RCSD1: variants seen among roughly 807,000 people sequenced by gnomAD.
RCSD1 encodes RCSD domain containing 1.
A neutral mutation model predicts 42.5 loss-of-function variants in RCSD1; 26 were observed. The observed-to-expected ratio is 0.61, with a 90% CI of 0.45 to 0.85. The LOEUF (loss-of-function observed/expected upper bound fraction) is 0.85, where lower values mean the gene tolerates loss of function less well. RCSD1 is among the 40% of genes least tolerant of loss of function. RCSD1 has a pLI of 0.00. For synonymous variants in RCSD1, 220 were observed against 212.2 expected (o/e 1.04, Z -0.32); for missense variants, 571 against 528.3 (o/e 1.08, Z -0.79).
intron 1 of RCSD1, among the ~76,000 whole-genome samples, chr1:167,653,985 A>G (rs549274846): frequency 6.6e-6 from 1 of 152,348 alleles, no homozygotes; most frequent in African/African-American, 2.4e-5. Context: ...GCTCTGCTGC[A>G]GCTTTGTCAC....
intron 1 of RCSD1, among the ~76,000 whole-genome samples, chr1:167,639,161 G>A (rs1315590810): frequency 6.6e-6 from 1 of 152,164 alleles, no homozygotes; most frequent in African/African-American, 2.4e-5. Flanking sequence ...AGGTTGCAGT[G>A]AGCAGAGATC....
At chr1:167,685,084 T>A (rs1458107765) in intron 2 of RCSD1, among the ~76,000 whole-genome samples, 1 of 152,204 alleles carries the variant, frequency 6.6e-6, no homozygotes, top group Non-Finnish European at 1.5e-5. Flanking sequence ...ATAGCATTGA[T>A]CTCAGGTGCT....
intron 1 of RCSD1, among the ~76,000 whole-genome samples, chr1:167,644,613 A>T (rs1571672943): frequency 3.3e-5 from 5 of 152,292 alleles, no homozygotes; most frequent in Middle Eastern, 3.4e-3. Context: ...CAATGAAACG[A>T]GGAGGTAGGA....
chr1:167,636,548 A>T (rs78095119), intron 1 of RCSD1, among the ~76,000 whole-genome samples: 3 of 151,794 alleles, frequency 2.0e-5, no homozygotes, highest in Non-Finnish European at 4.4e-5. Flanking sequence ...ATCATTAATG[A>T]TTCACGGCAT....
At chr1:167,700,885 C>G (rs963707669) in intron 6 of RCSD1, among the ~76,000 whole-genome samples, 5 of 152,138 alleles carry the variant, frequency 3.3e-5, no homozygotes, top group Non-Finnish European at 1.5e-5. Flanking sequence ...CAAGAGACCT[C>G]CCCATCTCAC....
chr1:167,689,492 A>AAAG (rs1553251389), intron 3 of RCSD1, among the ~76,000 whole-genome samples: 48 of 148,564 alleles, frequency 3.2e-4, no homozygotes, highest in African/African-American at 9.6e-4. Context: ...AAAAAAAAAA[A>AAAG]AAAAAGAAAA....
At chr1:167,645,912 CGGGATGGAA>C (rs1275840885) in intron 1 of RCSD1, among the ~76,000 whole-genome samples, 2 of 151,688 alleles carry the variant, frequency 1.3e-5, no homozygotes, top group Non-Finnish European at 2.9e-5. Flanking sequence ...GTGGGGCTCA[CGGGATGGAA>C]GGGATGGAAG....
At chr1:167,636,472 A>G (rs1004536102) in intron 1 of RCSD1, among the ~76,000 whole-genome samples, 1 of 152,222 alleles carries the variant, frequency 6.6e-6, no homozygotes, top group Non-Finnish European at 1.5e-5. Flanking sequence ...GTACCATGTC[A>G]GGGCCAACCT....
At chr1:167,686,748 T>C (rs1325398367) in intron 3 of RCSD1, among the ~76,000 whole-genome samples, 1 of 152,214 alleles carries the variant, frequency 6.6e-6, no homozygotes, top group Non-Finnish European at 1.5e-5. Flanking sequence ...AACCTCTCTT[T>C]CCAGAGAATC....
chr1:167,682,150 C>T (rs1228350741), intron 1 of RCSD1, among the ~76,000 whole-genome samples: 1 of 151,782 alleles, frequency 6.6e-6, no homozygotes, highest in Non-Finnish European at 1.5e-5. Context: ...CCCAGCAGTT[C>T]CTTCAAATCC....
chr1:167,673,935 G>A (rs1658873909), intron 1 of RCSD1, among the ~76,000 whole-genome samples: 1 of 152,140 alleles, frequency 6.6e-6, no homozygotes, highest in African/African-American at 2.4e-5. Flanking sequence ...ACCTAAGCAG[G>A]TTAACTACCC....
chr1:167,651,956 C>T (rs59497748), intron 1 of RCSD1, among the ~76,000 whole-genome samples: 1,970 of 151,788 alleles, frequency 0.013, 47 homozygotes, highest in African/African-American at 0.046. Context: ...AGGGCAGAAG[C>T]CCTATTTCCA....
intron 1 of RCSD1, among the ~76,000 whole-genome samples, chr1:167,679,554 C>G (rs79585569): frequency 1.5e-3 from 228 of 152,348 alleles, no homozygotes; most frequent in African/African-American, 5.4e-3. Flanking sequence ...GGGTGATCCC[C>G]TTCAGTTCTG....
At chr1:167,646,784 C>T (rs1429347959) in intron 1 of RCSD1, among the ~76,000 whole-genome samples, 1 of 152,140 alleles carries the variant, frequency 6.6e-6, no homozygotes, top group Non-Finnish European at 1.5e-5. Flanking sequence ...AAATAGGATC[C>T]TCGGAACTTC....
chr1:167,641,209 T>C (rs748080632), intron 1 of RCSD1, among the ~76,000 whole-genome samples: 2 of 152,098 alleles, frequency 1.3e-5, no homozygotes, highest in Non-Finnish European at 2.9e-5. Flanking sequence ...GCCATGAGGA[T>C]CACCCCCAAC....
rs115549770 is a variant in RCSD1, at chr1:167,703,547, C to T, written c.1219-1117C>T. ...CTCTACAATCACAACTCATTCCTAA[C>T]AGAATTCCTGGTTTCCAGACTCACC... On this transcript the variant is annotated intron_variant, in intron 6 of 6. Transcript: ENST00000367854. 8.5e-3 allele frequency among the ~76,000 whole-genome samples: 1,293 copies of T among 152,276 alleles called. 16 individuals are homozygous for T. Among genetic ancestry groups the T allele is most frequent in the African/African-American group, 0.029 (1,223 of 41,542 alleles).
chr1:167,673,819 C>A (rs1315515514), intron 1 of RCSD1, among the ~76,000 whole-genome samples: 5 of 152,200 alleles, frequency 3.3e-5, no homozygotes, highest in Non-Finnish European at 5.9e-5. Context: ...CTACAACATG[C>A]CTTCCTCCTT....
chr1:167,683,956 C>T lies in RCSD1; in HGVS notation c.63C>T (p.Ala21=), dbSNP rs540425607. 1.9e-6 allele frequency: 3 copies of T among 1,614,166 alleles called. No homozygotes were observed. The highest frequency in any genetic ancestry group is 1.6e-4 in the Middle Eastern group (1 of 6,062). Residue 21 remains alanine, a synonymous_variant, in exon 2 of 7, where the codon GCC becomes GCT. Transcript: ENST00000367854. ...ACAACTCGGCGTCCCCCTCGGTGGC[C>T]CAGCTGGCCGGGCGGTTTAGGGAGC... ...NVDNSASPSV[A]QLAGRFREQA...
chr1:167,692,904 G>A (rs982515117), intron 4 of RCSD1, among the ~76,000 whole-genome samples: 1 of 152,128 alleles, frequency 6.6e-6, no homozygotes, highest in Non-Finnish European at 1.5e-5. Context: ...GTGGCCAAGG[G>A]GAGCTGGGAG....
Sources: gnomAD v4.1 joint callset for allele counts (sites outside exome capture counted in the v4.1 genomes callset) on GRCh38, gnomAD v4.1.1 for gene constraint, MANE v1.5 for transcripts, NCBI Gene and HGNC (gene_info 2026-07-23, HGNC 2026-07-21) for gene names.